The following CARNMT1 variants were observed in gnomAD, a reference collection of about 807,000 sequenced individuals.
CARNMT1 encodes the protein protein-L-histidine N-pros-methyltransferase CARNMT1.
CARNMT1 carries 28 observed loss-of-function variants against 49.6 expected under a neutral mutation model. The ratio of observed to expected loss-of-function variants is 0.56; its 90% confidence interval spans 0.42 to 0.77. The LOEUF (loss-of-function observed/expected upper bound fraction) is 0.77, where lower values mean the gene tolerates loss of function less well. CARNMT1 is among the 30% of genes least tolerant of loss of function. The pLI is 0.00. For synonymous variants in CARNMT1, 178 were observed against 175.0 expected, an observed-to-expected ratio of 1.02 and a Z score of -0.13; for missense variants, 421 against 512.6, an observed-to-expected ratio of 0.82 and a Z score of 1.73.
chr9:75,020,232 T>C (rs966202201), intron 1 of CARNMT1, among the ~76,000 whole-genome samples: 1 of 151,572 alleles, frequency 6.6e-6, no homozygotes, highest in African/African-American at 2.4e-5. Flanking sequence ...TAAATGAAAA[T>C]GGAAGTATTT....
chr9:75,014,583 T>G (rs1833790902), intron 3 of CARNMT1, among the ~76,000 whole-genome samples: 1 of 152,090 alleles, frequency 6.6e-6, no homozygotes, highest in Non-Finnish European at 1.5e-5. Flanking sequence ...AAAGCAAATG[T>G]GGCAAAATGT....
intron 3 of CARNMT1, chr9:75,010,162 C>G (rs1253934378): frequency 8.3e-6 from 1 of 120,872 alleles, no homozygotes; most frequent in Non-Finnish European, 1.6e-5. Flanking sequence ...GAGTTTCGCT[C>G]TTGCTGCCCA....
intron 1 of CARNMT1, among the ~76,000 whole-genome samples, chr9:75,020,478 G>A (rs920884126): frequency 1.1e-4 from 17 of 151,932 alleles, no homozygotes; most frequent in Non-Finnish European, 2.1e-4. Context: ...ATACTGTCCA[G>A]GATGGTCTCG....
intron 6 of CARNMT1, among the ~76,000 whole-genome samples, chr9:74,995,295 T>TAA (rs1491418457): frequency 6.6e-6 from 1 of 152,162 alleles, no homozygotes; most frequent in African/African-American, 2.4e-5. Context: ...CCCAAGACTC[T>TAA]AAGTCTCTTC....
chr9:75,027,966 T>C, intron 1 of CARNMT1, 46 bp downstream of exon 1: 1 of 1,510,544 alleles, frequency 6.6e-7, no homozygotes, highest in Non-Finnish European at 8.8e-7. Context: ...CCGCCACCAG[T>C]GGGCGCCCCG....
chr9:75,016,157 A>T lies in CARNMT1; in HGVS notation c.590+111T>A, dbSNP rs1833841505. 6.4e-5 allele frequency: 49 copies of T among 769,372 alleles called. 1 individual carries two copies. In the South Asian group the frequency reaches 8.7e-4, roughly 14 times the overall value. 47.7% of individuals were successfully genotyped at this position (769,372 alleles called of 1,614,324 possible). ...ATGTTAACACTTACACATGTAAAACATACAGGCACACAGCAACTATAACAA... is the reference window on the plus strand; with the variant it reads ...ATGTTAACACTTACACATGTAAAACTTACAGGCACACAGCAACTATAACAA... On this transcript the variant is annotated intron_variant, in intron 3 of 7. Coordinates refer to ENST00000376834, the MANE Select transcript of CARNMT1 (RefSeq NM_152420.3).
intron 6 of CARNMT1, among the ~76,000 whole-genome samples, chr9:74,993,306 C>A (rs558574447): frequency 4.6e-5 from 7 of 152,194 alleles, no homozygotes; most frequent in Non-Finnish European, 8.8e-5. Flanking sequence ...TAAGGACTAA[C>A]CAAGGGAAAA....
intron 1 of CARNMT1, among the ~76,000 whole-genome samples, chr9:75,019,752 T>C (rs2118864406): frequency 1.3e-5 from 2 of 152,312 alleles, no homozygotes; most frequent in African/African-American, 4.8e-5. Context: ...AATGTATACC[T>C]TGCATGTAAT....
At chr9:75,014,581 T>C (rs1833790793) in intron 3 of CARNMT1, among the ~76,000 whole-genome samples, 1 of 152,076 alleles carries the variant, frequency 6.6e-6, no homozygotes, top group South Asian at 2.1e-4. Flanking sequence ...TAAAAGCAAA[T>C]GTGGCAAAAT....
At chr9:74,988,748 T>C (rs969524566) in intron 6 of CARNMT1, among the ~76,000 whole-genome samples, 2 of 152,206 alleles carry the variant, frequency 1.3e-5, no homozygotes, top group South Asian at 4.1e-4. Flanking sequence ...TTTGTGTTTT[T>C]CCCCATTACC....
chr9:74,995,411 G>A (rs1462347011), intron 6 of CARNMT1, among the ~76,000 whole-genome samples: 1 of 152,114 alleles, frequency 6.6e-6, no homozygotes, highest in East Asian at 1.9e-4. Flanking sequence ...ATACCCAGTA[G>A]GTAATATCTT....
At chr9:75,018,967 A>AT (rs1587304605) in intron 1 of CARNMT1, among the ~76,000 whole-genome samples, 1 of 130,338 alleles carries the variant, frequency 7.7e-6, no homozygotes. Flanking sequence ...ACTCCATCTC[A>AT]TAAAAAAAAA....
At chr9:74,988,540 C>T (rs1832918599) in intron 6 of CARNMT1, among the ~76,000 whole-genome samples, 1 of 152,144 alleles carries the variant, frequency 6.6e-6, no homozygotes, top group African/African-American at 2.4e-5. Context: ...TATAAGTTCA[C>T]TCTAAGTTCT....
intron 1 of CARNMT1, among the ~76,000 whole-genome samples, chr9:75,018,968 T>TA (rs35324700): frequency 0.065 from 4,836 of 74,536 alleles, 127 homozygotes; most frequent in African/African-American, 0.1. Flanking sequence ...CTCCATCTCA[T>TA]AAAAAAAAAA....
At chr9:75,009,366 G>T (rs1210050931) in intron 3 of CARNMT1, among the ~76,000 whole-genome samples, 1 of 152,012 alleles carries the variant, frequency 6.6e-6, no homozygotes, top group Non-Finnish European at 1.5e-5. Flanking sequence ...CTGACTCAGG[G>T]ACTACTGGTG....
Position 75,024,770 on chromosome 9 carries a change from G to A in CARNMT1, c.230+3242C>T, listed in dbSNP as rs117858033. ...AAATTGAACCCTGCAAAATCTGGAC[G>A]TACAGCTGACCCTTGAACAATACTT... On this transcript the variant is annotated intron_variant, in intron 1 of 7. Coordinates refer to ENST00000376834, the MANE Select transcript of CARNMT1 (RefSeq NM_152420.3). Among the ~76,000 whole-genome samples the A allele has an allele frequency of 4.5e-3, 686 of 152,210 alleles. 6 individuals are homozygous for A. The highest frequency in any genetic ancestry group is 0.014 in the Middle Eastern group (4 of 294).
intron 6 of CARNMT1, among the ~76,000 whole-genome samples, chr9:74,989,394 C>T (rs1198363275): frequency 6.6e-6 from 1 of 152,172 alleles, no homozygotes; most frequent in Non-Finnish European, 1.5e-5. Flanking sequence ...GGATTACAGG[C>T]ATGAGCTACG....
At chr9:75,027,088 C>T in intron 1 of CARNMT1, 29 of 1,304,294 alleles carry the variant, frequency 2.2e-5, no homozygotes, top group Non-Finnish European at 2.8e-5. Flanking sequence ...ATTCCAACTG[C>T]AGCCTCAGAA....
At chr9:74,988,310 G>GA (rs1832910491) in intron 6 of CARNMT1, among the ~76,000 whole-genome samples, 2 of 152,016 alleles carry the variant, frequency 1.3e-5, no homozygotes, top group Non-Finnish European at 2.9e-5. Flanking sequence ...GAGATAACAT[G>GA]AAAAAGCATT....
Sources: gnomAD v4.1 joint callset for allele counts (sites outside exome capture counted in the v4.1 genomes callset) on GRCh38, gnomAD v4.1.1 for gene constraint, MANE v1.5 for transcripts, NCBI Gene and HGNC (gene_info 2026-07-23, HGNC 2026-07-21) for gene names.